Variants in HMBOX1 observed in about 807,000 individuals in gnomAD.
HMBOX1 encodes homeobox-containing protein 1.
HMBOX1 carries 14 observed loss-of-function variants against 54.5 expected under a neutral mutation model. The ratio of observed to expected loss-of-function variants is 0.26; its 90% CI spans 0.17 to 0.40. The LOEUF is 0.40. Among genes scored for constraint, HMBOX1 ranks in the 10% least tolerant of loss-of-function variants. HMBOX1 has a pLI of 1.00. For missense variants in HMBOX1, 332 were observed against 514.4 expected, an observed-to-expected ratio of 0.65 and a Z score of 3.43; for synonymous variants, 160 against 181.0, an observed-to-expected ratio of 0.88 and a Z score of 0.93.
chr8:29,049,667 G>A (rs1199427441), intron 9 of HMBOX1: 1 of 349,064 alleles, frequency 2.9e-6, no homozygotes, highest in Non-Finnish European at 5.2e-6. Context: ...GTATTTAATT[G>A]TAGCCACTGC....
At position 29,051,898 on chromosome 8, in the gene HMBOX1, T is replaced by TA. The variant is rs11356150; in HGVS notation, c.*763dup. On this transcript the variant is annotated 3_prime_UTR_variant, in exon 10 of 10. Coordinates refer to ENST00000287701, the MANE Select transcript of HMBOX1 (RefSeq NM_001135726.3). The stretch of plus-strand genomic sequence containing the variant: ...AACAAAGACAAAAACCAAAAGTCAT[T>TA]AAAAAAAAAAAAAAAAAAAACCCAG... 0.085 allele frequency: 11,155 copies of TA among 131,196 alleles called. 623 individuals carry two copies. The highest frequency in any genetic ancestry group is 0.19 in the South Asian group (703 of 3,734). 8.1% of individuals were successfully genotyped at this position (131,196 alleles called of 1,614,324 possible). A position where few individuals can be genotyped will look rare whatever the true frequency, so the allele number is the denominator to read the frequency against.
intron 1 of HMBOX1, among the ~76,000 whole-genome samples, chr8:28,897,835 GATTA>G (rs1229636565): frequency 2.2e-4 from 34 of 152,202 alleles, no homozygotes; most frequent in Admixed American, 2.0e-3. Context: ...AAACTTGTCA[GATTA>G]ATTGATTGTC....
At position 28,939,163 on chromosome 8, in the gene HMBOX1, C is replaced by T. The variant is rs535750292; in HGVS notation, c.-57-24648C>T. On this transcript the variant is annotated intron_variant, in intron 1 of 9. Coordinates refer to ENST00000287701, the MANE Select transcript of HMBOX1 (RefSeq NM_001135726.3). Reference sequence around the variant, plus strand: ...AATTAGCTGGGCATGGTGGCATGTGCCTGTAATCCCAGCTACTCGGGAGGC... The same window carrying T: ...AATTAGCTGGGCATGGTGGCATGTGTCTGTAATCCCAGCTACTCGGGAGGC... Among the ~76,000 whole-genome samples the T allele has an allele frequency of 2.0e-5, 3 of 152,072 alleles. 1 individual carries two copies. In the South Asian group the frequency reaches 6.2e-4, roughly 32 times the overall value.
intron 2 of HMBOX1, among the ~76,000 whole-genome samples, chr8:28,967,164 A>G (rs1826570080): frequency 6.6e-6 from 1 of 152,226 alleles, no homozygotes; most frequent in Non-Finnish European, 1.5e-5. Flanking sequence ...CTAGAAAATT[A>G]TGGGGAGAGC....
chr8:29,028,328 C>T (rs947625554), intron 6 of HMBOX1, among the ~76,000 whole-genome samples: 6 of 152,176 alleles, frequency 3.9e-5, no homozygotes, highest in African/African-American at 1.4e-4. Context: ...TAGAGACATG[C>T]ATCTCTAGTA....
chr8:29,005,529 A>AT (rs1400853596), intron 4 of HMBOX1, among the ~76,000 whole-genome samples: 8 of 152,022 alleles, frequency 5.3e-5, no homozygotes, highest in African/African-American at 1.7e-4. Context: ...CATTTACTTC[A>AT]TTTTTTTGAA....
intron 4 of HMBOX1, among the ~76,000 whole-genome samples, chr8:28,996,608 T>A (rs1831886578): frequency 6.6e-6 from 1 of 152,230 alleles, no homozygotes; most frequent in South Asian, 2.1e-4. Context: ...CACAAGTTTT[T>A]AGTTTTGATG....
At chr8:28,917,145 G>A (rs1170531265) in intron 1 of HMBOX1, among the ~76,000 whole-genome samples, 2 of 151,660 alleles carry the variant, frequency 1.3e-5, no homozygotes, top group African/African-American at 2.4e-5. Context: ...GATTGTGTTG[G>A]CCGTTAGAGC....
intron 4 of HMBOX1, among the ~76,000 whole-genome samples, chr8:28,982,630 CTTT>C (rs1227107137): frequency 6.9e-6 from 1 of 143,922 alleles, no homozygotes; most frequent in Admixed American, 7.0e-5. Flanking sequence ...TTATTTTTTA[CTTT>C]TTTTTTTTTT....
At chr8:28,998,435 A>G (rs1016308598) in intron 4 of HMBOX1, among the ~76,000 whole-genome samples, 1 of 152,012 alleles carries the variant, frequency 6.6e-6, no homozygotes, top group Non-Finnish European at 1.5e-5. Flanking sequence ...CTTAAGGTCT[A>G]TTTTGTCTTA....
At chr8:28,949,740 T>A (rs570141712) in intron 1 of HMBOX1, 7 of 152,334 alleles carry the variant, frequency 4.6e-5, no homozygotes, top group Admixed American at 2.0e-4. Context: ...GCTCTTATGC[T>A]CACATTCTAG....
At chr8:29,037,260 T>C (rs1586640309) in intron 6 of HMBOX1, among the ~76,000 whole-genome samples, 1 of 152,228 alleles carries the variant, frequency 6.6e-6, no homozygotes, top group East Asian at 1.9e-4. Context: ...TTGTTTGTTA[T>C]ACCTCAGTGT....
chr8:28,981,645 T>C (rs1279860651), intron 4 of HMBOX1, among the ~76,000 whole-genome samples: 1 of 152,134 alleles, frequency 6.6e-6, no homozygotes, highest in South Asian at 2.1e-4. Flanking sequence ...GGTAGAAGCA[T>C]TTCTTAGTAC....
chr8:28,914,617 C>T (rs1480444631), intron 1 of HMBOX1, among the ~76,000 whole-genome samples: 4 of 152,164 alleles, frequency 2.6e-5, no homozygotes, highest in Non-Finnish European at 5.9e-5. Context: ...CTGCAGACAG[C>T]CATGACAGCT....
intron 1 of HMBOX1, among the ~76,000 whole-genome samples, chr8:28,944,086 A>G (rs1355562024): frequency 6.6e-6 from 1 of 152,186 alleles, no homozygotes; most frequent in Non-Finnish European, 1.5e-5. Context: ...CAGGCTAGAT[A>G]CTGCCCCTAG....
At chr8:29,037,102 A>T (rs376195003) in intron 6 of HMBOX1, among the ~76,000 whole-genome samples, 1 of 152,208 alleles carries the variant, frequency 6.6e-6, no homozygotes, top group Admixed American at 6.5e-5. Context: ...CTGCAAAGTC[A>T]TGAAAACTTA....
chr8:28,990,531 C>T (rs1830827525), intron 4 of HMBOX1, among the ~76,000 whole-genome samples: 1 of 152,052 alleles, frequency 6.6e-6, no homozygotes. Flanking sequence ...ATGTATTATC[C>T]ATTTTATATT....
chr8:29,015,594 T>C (rs976943356), intron 5 of HMBOX1, among the ~76,000 whole-genome samples: 4 of 152,184 alleles, frequency 2.6e-5, no homozygotes, highest in African/African-American at 9.6e-5. Flanking sequence ...AGCCCCCAAA[T>C]TCCTGCTTAT....
chr8:28,909,981 C>T (rs1815099499), intron 1 of HMBOX1, among the ~76,000 whole-genome samples: 1 of 152,090 alleles, frequency 6.6e-6, no homozygotes, highest in South Asian at 2.1e-4. Context: ...TGCCTCAAGC[C>T]TGTTCAGTCC....
Sources: allele counts gnomAD v4.1 joint callset (sites outside exome capture counted in the v4.1 genomes callset), GRCh38; gene constraint gnomAD v4.1.1; transcripts MANE v1.5; gene names NCBI Gene and HGNC (gene_info 2026-07-23, HGNC 2026-07-21).